Variants in COL13A1 observed in about 807,000 individuals in gnomAD.
COL13A1 encodes the protein collagen type XIII alpha 1 chain.
COL13A1 carries 89 observed loss-of-function variants against 130.9 expected under a neutral mutation model. That is an observed-to-expected ratio of 0.68 (90% CI 0.57 to 0.81). COL13A1 has a LOEUF of 0.81. COL13A1 is among the 30% of genes least tolerant of loss of function. The pLI, the probability that COL13A1 is intolerant of heterozygous loss-of-function variation, is 0.00. For missense variants in COL13A1, 879 were observed against 934.6 expected (o/e 0.94, Z 0.78); for synonymous variants, 402 against 341.6 (o/e 1.18, Z -1.95).
chr10:69,889,538 C>T (rs911757341), intron 10 of COL13A1, 98 bp downstream of exon 10: 1 of 1,489,606 alleles, frequency 6.7e-7, no homozygotes, highest in African/African-American at 1.4e-5. Context: ...ACAGGGACAA[C>T]AGGAATGGCT....
chr10:69,937,276 T>G (rs2067057404), intron 33 of COL13A1, among the ~76,000 whole-genome samples: 1 of 152,218 alleles, frequency 6.6e-6, no homozygotes, highest in Non-Finnish European at 1.5e-5. Flanking sequence ...TTCTCCCGAC[T>G]AGGCTGTGAG....
intron 30 of COL13A1, among the ~76,000 whole-genome samples, chr10:69,931,525 C>A (rs1477375708): frequency 2.0e-5 from 3 of 152,156 alleles, no homozygotes; most frequent in Admixed American, 2.0e-4. Flanking sequence ...GAATCTTGGT[C>A]TCAGAATTCT....
At chr10:69,935,532 C>T (rs2135952828) in intron 32 of COL13A1, 141 bp downstream of exon 32, 1 of 626,654 alleles carries the variant, frequency 1.6e-6, no homozygotes. Context: ...CTCCCCGCTC[C>T]TTTTCCCTCC....
rs190745097 is a variant in COL13A1, at chr10:69,854,596, T to C, written c.365-13202T>C. Among the ~76,000 whole-genome samples, 86 of 151,722 alleles carry C rather than the reference T, an allele frequency of 5.7e-4. 1 individual carries two copies. Among genetic ancestry groups the C allele is most frequent in the African/African-American group, 2.0e-3 (83 of 41,384 alleles). ...AAAAGTGGTTCCTGTCATTTCTGCT[T>C]GTCACCAGACTCTGGTTAGAGGTTC... On this transcript the variant is annotated intron_variant, in intron 2 of 40. Coordinates refer to ENST00000645393, the MANE Select transcript of COL13A1 (RefSeq NM_001368882.1).
chr10:69,958,268 C>G (rs564723139), intron 40 of COL13A1, among the ~76,000 whole-genome samples: 1 of 152,142 alleles, frequency 6.6e-6, no homozygotes, highest in Admixed American at 6.5e-5. Context: ...AAAAAATTTC[C>G]TCTTTAAAGT....
intron 1 of COL13A1, among the ~76,000 whole-genome samples, chr10:69,819,451 G>A (rs1030241987): frequency 6.6e-6 from 1 of 152,204 alleles, no homozygotes; most frequent in Non-Finnish European, 1.5e-5. Context: ...GAGGGGCTGA[G>A]CTGTGATACA....
intron 15 of COL13A1, among the ~76,000 whole-genome samples, chr10:69,904,137 C>CT (rs796296915): frequency 5.3e-5 from 8 of 152,292 alleles, no homozygotes; most frequent in African/African-American, 1.9e-4. Context: ...AAGGGAAACT[C>CT]AGGAAACGGA....
intron 4 of COL13A1, among the ~76,000 whole-genome samples, chr10:69,872,897 G>A (rs954654505): frequency 2.6e-5 from 4 of 152,194 alleles, no homozygotes; most frequent in African/African-American, 7.2e-5. Flanking sequence ...TTAGAGGCCC[G>A]TATCATCACA....
At chr10:69,924,511 T>C (rs1258382682) in intron 24 of COL13A1, among the ~76,000 whole-genome samples, 1 of 150,656 alleles carries the variant, frequency 6.6e-6, no homozygotes, top group East Asian at 2.0e-4. Flanking sequence ...TCACTCGGCA[T>C]TCTGGGTCTT....
intron 39 of COL13A1, chr10:69,955,301 A>T (rs985959751): frequency 5.2e-5 from 8 of 152,384 alleles, no homozygotes; most frequent in African/African-American, 1.9e-4. Context: ...GTCCTGCCAA[A>T]CCCTGCGCTT....
chr10:69,814,153 A>T (rs1843803738), intron 1 of COL13A1, among the ~76,000 whole-genome samples: 1 of 152,224 alleles, frequency 6.6e-6, no homozygotes, highest in Admixed American at 6.5e-5. Flanking sequence ...TGTGCCAGGC[A>T]TTGTGATCAG....
chr10:69,918,153 G>A (rs1466833512), intron 18 of COL13A1, 132 bp from the exon 19 acceptor site: 2 of 688,812 alleles, frequency 2.9e-6, no homozygotes, highest in Non-Finnish European at 4.8e-6. Context: ...TGGGGTTGGT[G>A]GTTGCGGGGT....
chr10:69,823,976 CT>C, intron 2 of COL13A1: 1 of 414,794 alleles, frequency 2.4e-6, no homozygotes, highest in Non-Finnish European at 5.0e-6. Context: ...GTCTGTTGCC[CT>C]TATAACTCTT....
intron 10 of COL13A1, among the ~76,000 whole-genome samples, chr10:69,889,757 G>C (rs1294474461): frequency 6.6e-6 from 1 of 152,176 alleles, no homozygotes; most frequent in Non-Finnish European, 1.5e-5. Flanking sequence ...GGGAGACAAG[G>C]TTTCATCTGC....
chr10:69,884,679 T>C (rs1311757271), intron 7 of COL13A1, among the ~76,000 whole-genome samples: 1 of 152,262 alleles, frequency 6.6e-6, no homozygotes, highest in South Asian at 2.1e-4. Context: ...TTCAGAAGGA[T>C]GTAATATTAA....
chr10:69,920,348 C>T (rs1383772514), intron 21 of COL13A1, among the ~76,000 whole-genome samples: 1 of 152,242 alleles, frequency 6.6e-6, no homozygotes, highest in Non-Finnish European at 1.5e-5. Context: ...AGCAAAGCTT[C>T]TTGTGCTGAC....
chr10:69,872,898 T>C (rs2059214026), intron 4 of COL13A1, among the ~76,000 whole-genome samples: 1 of 152,236 alleles, frequency 6.6e-6, no homozygotes, highest in Admixed American at 6.5e-5. Flanking sequence ...TAGAGGCCCG[T>C]ATCATCACAC....
At chr10:69,819,225 T>C (rs758438436) in intron 1 of COL13A1, among the ~76,000 whole-genome samples, 2 of 152,250 alleles carry the variant, frequency 1.3e-5, no homozygotes, top group African/African-American at 2.4e-5. Context: ...TTTCCTGGAT[T>C]ATACAATGGG....
At chr10:69,911,278 C>T (rs140492658) in intron 17 of COL13A1, among the ~76,000 whole-genome samples, 1 of 152,356 alleles carries the variant, frequency 6.6e-6, no homozygotes, top group East Asian at 1.9e-4. Context: ...GTGGTGGACA[C>T]ACTTCTGTAG....
Sources: gnomAD v4.1 joint callset for allele counts (sites outside exome capture counted in the v4.1 genomes callset) on GRCh38, gnomAD v4.1.1 for gene constraint, MANE v1.5 for transcripts, NCBI Gene and HGNC (gene_info 2026-07-23, HGNC 2026-07-21) for gene names.